Variants in CRPPA observed in about 807,000 individuals in gnomAD.
The protein encoded by CRPPA is D-ribitol-5-phosphate cytidylyltransferase.
In CRPPA, 43 loss-of-function variants were observed where a neutral mutation model predicts 52.0. The ratio of observed to expected loss-of-function variants is 0.83; its 90% CI spans 0.65 to 1.07. The LOEUF (loss-of-function observed/expected upper bound fraction) is 1.07, where lower values mean the gene tolerates loss of function less well. CRPPA is among the 50% of genes least tolerant of loss of function. The pLI is 0.00. For missense variants in CRPPA, 629 were observed against 551.7 expected (o/e 1.14, Z -1.40); for synonymous variants, 250 against 203.5 (o/e 1.23, Z -1.94).
At position 16,259,103 on chromosome 7, in the gene CRPPA, C is replaced by G. The variant is rs888126960; in HGVS notation, c.934-91G>C. 3 of 795,562 alleles carry G rather than the reference C, an allele frequency of 3.8e-6. No individual in the cohort carries two copies. The African/African-American group carries it at 5.8e-5, about 15-fold the overall frequency. 49.3% of individuals were successfully genotyped at this position (795,562 alleles called of 1,614,324 possible). On this transcript the variant is annotated intron_variant, in intron 6 of 9. Transcript: ENST00000407010. Reference sequence around the variant, plus strand: ...AAGGAACACATAATTGCTAGAAGGCCCATAAAGCCAAGGACCATATATTTT... The same window carrying G: ...AAGGAACACATAATTGCTAGAAGGCGCATAAAGCCAAGGACCATATATTTT...
At position 16,395,354 on chromosome 7, in the gene CRPPA, T is replaced by A. The variant is rs184304003; in HGVS notation, c.534+10707A>T. 2.0e-5 allele frequency among the ~76,000 whole-genome samples: 3 copies of A among 152,312 alleles called. No individual in the cohort carries two copies. In the East Asian group the frequency reaches 5.8e-4, roughly 29 times the overall value. ...CATACAGCAGGCACTAACATGCATT[T>A]CTCCTCAGGCAACTGCATTCTAGCT... On this transcript the variant is annotated intron_variant, in intron 2 of 9. Transcript: ENST00000407010.
At chr7:16,185,102 C>T (rs1003954027) in intron 9 of CRPPA, among the ~76,000 whole-genome samples, 2 of 152,116 alleles carry the variant, frequency 1.3e-5, no homozygotes, top group African/African-American at 4.8e-5. Context: ...TAAAAACATA[C>T]CCAAGACTGG....
intron 1 of CRPPA, among the ~76,000 whole-genome samples, chr7:16,411,678 G>C (rs1312246360): frequency 6.6e-6 from 1 of 151,924 alleles, no homozygotes; most frequent in Non-Finnish European, 1.5e-5. Flanking sequence ...GAGAATGCTT[G>C]AATAATTAGG....
rs1348115543 is a variant in CRPPA, at chr7:16,380,958, T to G, written c.535-4717A>C. On this transcript the variant is annotated intron_variant, in intron 2 of 9. Transcript: ENST00000407010. ...AAAAACCAGCTCCTGGATTCATTAA[T>G]TTTTTGAAGGGTTTTTTGTGTCTCT... is the stretch of plus-strand genomic sequence containing the variant. 2.0e-5 allele frequency among the ~76,000 whole-genome samples: 3 copies of G among 151,872 alleles called. No individual in the cohort carries two copies. In the East Asian group the frequency reaches 5.8e-4, roughly 29 times the overall value.
intron 9 of CRPPA, among the ~76,000 whole-genome samples, chr7:16,105,316 A>T (rs1284583216): frequency 1.3e-5 from 2 of 152,208 alleles, no homozygotes; most frequent in African/African-American, 4.8e-5. Context: ...AAGAAGAATG[A>T]TCTCACTCCA....
At chr7:16,329,035 C>A (rs898690196) in intron 3 of CRPPA, among the ~76,000 whole-genome samples, 2 of 152,110 alleles carry the variant, frequency 1.3e-5, no homozygotes, top group Admixed American at 6.5e-5. Context: ...TCCACAATGG[C>A]AAAATTCATG....
At chr7:16,150,500 G>T (rs1783056825) in intron 9 of CRPPA, among the ~76,000 whole-genome samples, 1 of 152,094 alleles carries the variant, frequency 6.6e-6, no homozygotes, top group African/African-American at 2.4e-5. Flanking sequence ...TATGAAGCAT[G>T]GCTTTTTAAT....
intron 9 of CRPPA, among the ~76,000 whole-genome samples, chr7:16,154,677 C>A (rs546730109): frequency 6.6e-6 from 1 of 152,150 alleles, no homozygotes; most frequent in African/African-American, 2.4e-5. Context: ...TTGTCTTGTT[C>A]TTGACTGTAC....
At chr7:16,310,159 G>C (rs1009254076) in intron 3 of CRPPA, among the ~76,000 whole-genome samples, 2 of 152,002 alleles carry the variant, frequency 1.3e-5, no homozygotes, top group Non-Finnish European at 2.9e-5. Context: ...ACCATGGGGG[G>C]GTTATAGTTA....
chr7:16,216,660 G>A (rs183184442), intron 8 of CRPPA: 1,910 of 154,146 alleles, frequency 0.012, 26 homozygotes, highest in Non-Finnish European at 0.016. Context: ...TTCCTTTTCC[G>A]AGTCAAAGAA....
intron 9 of CRPPA, among the ~76,000 whole-genome samples, chr7:16,126,694 C>A (rs2109367): frequency 0.07 from 10,642 of 151,998 alleles, 644 homozygotes; most frequent in South Asian, 0.3. Context: ...AGAATGAGTA[C>A]AGGTGAAGAT....
At chr7:16,286,665 T>G (rs1255184743) in intron 5 of CRPPA, among the ~76,000 whole-genome samples, 1 of 152,152 alleles carries the variant, frequency 6.6e-6, no homozygotes, top group African/African-American at 2.4e-5. Flanking sequence ...TGTATTTTGG[T>G]GTGTATGTGA....
intron 2 of CRPPA, among the ~76,000 whole-genome samples, chr7:16,397,956 A>G (rs547551250): frequency 2.0e-5 from 3 of 152,364 alleles, no homozygotes; most frequent in Non-Finnish European, 2.9e-5. Flanking sequence ...GACACGTTTG[A>G]CATGTGACTT....
chr7:16,408,237 A>T lies in CRPPA; in HGVS notation c.258-1900T>A, dbSNP rs150236320. 9.8e-5 allele frequency among the ~76,000 whole-genome samples: 15 copies of T among 152,336 alleles called. No homozygotes were observed. In the East Asian group the frequency reaches 2.5e-3, roughly 25 times the overall value. ...AAGCTGTGATTAAACACAATGAAGA[A>T]GTCCACGTTCAAGACAGCATGTAGG... On this transcript the variant is annotated intron_variant, in intron 1 of 9. Transcript: ENST00000407010.
rs552922798 is a variant in CRPPA at position 16,289,629 on chromosome 7, A to T, written c.836-11403T>A. On this transcript the variant is annotated intron_variant, in intron 5 of 9. Transcript: ENST00000407010. ...GAAAAAGCATTTGATAAAATTCAGC[A>T]TTCCTTTTTCACAAAAGCTCTCAAC... Among the ~76,000 whole-genome samples the T allele has an allele frequency of 7.0e-4, 107 of 152,310 alleles. 1 individual carries two copies. The South Asian group carries it at 0.014, about 21-fold the overall frequency.
intron 8 of CRPPA, among the ~76,000 whole-genome samples, chr7:16,222,273 A>G (rs71540743): frequency 0.2 from 26,679 of 130,850 alleles, 3,330 homozygotes; most frequent in South Asian, 0.42. Flanking sequence ...GAAGGGGAAT[A>G]TCACACTCTG....
intron 9 of CRPPA, among the ~76,000 whole-genome samples, chr7:16,162,660 T>TG (rs1780928199): frequency 6.6e-6 from 1 of 152,176 alleles, no homozygotes; most frequent in Non-Finnish European, 1.5e-5. Flanking sequence ...TCTGTTGACT[T>TG]GGGGTGCAGA....
chr7:16,242,439 G>T (rs1471596710), intron 8 of CRPPA, among the ~76,000 whole-genome samples: 2 of 152,078 alleles, frequency 1.3e-5, no homozygotes, highest in Admixed American at 1.3e-4. Flanking sequence ...CATATCTTTT[G>T]TGACAGGTCA....
chr7:16,152,657 G>T (rs1006152944), intron 9 of CRPPA, among the ~76,000 whole-genome samples: 3 of 151,892 alleles, frequency 2.0e-5, no homozygotes, highest in African/African-American at 7.2e-5. Context: ...TCCTAATAAA[G>T]CAATTATATA....
Sources: gnomAD v4.1 joint callset for allele counts (sites outside exome capture counted in the v4.1 genomes callset) on GRCh38, gnomAD v4.1.1 for gene constraint, MANE v1.5 for transcripts, NCBI Gene and HGNC (gene_info 2026-07-23, HGNC 2026-07-21) for gene names.